The following RAB40A variants were observed in gnomAD, a reference collection of about 807,000 sequenced individuals.
RAB40A encodes the protein RAB40A, member RAS oncogene family.
For missense variants in RAB40A, 145 were observed against 230.2 expected (o/e 0.63, Z 2.40); for synonymous variants, 65 against 99.9 (o/e 0.65, Z 2.08).
At chrX:103,513,097 G>A (rs185406220) in intron 2 of RAB40A, among the ~76,000 whole-genome samples, 11 of 111,852 alleles carry the variant, frequency 9.8e-5, no homozygotes, top group African/African-American at 2.9e-4. Context: ...ACAGACACCC[G>A]GGGGAAGGGC....
At chrX:103,503,197 T>C in intron 2 of RAB40A, 1 of 752,837 alleles carries the variant, frequency 1.3e-6, no homozygotes, top group Non-Finnish European at 1.6e-6. Flanking sequence ...AACAAGACTG[T>C]AAAAACATAT....
At chrX:103,518,643 A>G (rs1411148367) in intron 1 of RAB40A, among the ~76,000 whole-genome samples, 1 of 111,999 alleles carries the variant, frequency 8.9e-6, no homozygotes, top group Non-Finnish European at 1.9e-5. Context: ...ATTAAAACAC[A>G]TTATAATATA....
intron 2 of RAB40A, chrX:103,501,808 G>GA (rs1419372425): frequency 1.6e-5 from 2 of 121,983 alleles, no homozygotes; most frequent in Non-Finnish European, 3.8e-5. Flanking sequence ...GAAAAAAACC[G>GA]AAAAAGAATT....
intron 2 of RAB40A, among the ~76,000 whole-genome samples, chrX:103,513,838 G>A (rs2073303356): frequency 9.1e-6 from 1 of 110,043 alleles, no homozygotes; most frequent in Non-Finnish European, 1.9e-5. Context: ...CCTGTTAATA[G>A]CCACTGCACT....
In RAB40A at chrX:103,500,568, C is replaced by T; in HGVS notation, c.189G>A (p.Val63=). The change falls in exon 3 of 3, where the codon GTG becomes GTA. Residue 63 remains valine, a synonymous_variant. Coordinates refer to ENST00000304236, the MANE Select transcript of RAB40A (RefSeq NM_080879.3). The stretch of plus-strand genomic sequence containing the variant: ...CCGACGTATCCCAGAGCTTCAGCTT[C>T]ACCCGCTGGCCGTCCAGCAGGATGG... ...TTTILLDGQR[V]KLKLWDTSGQ... is the part of the protein sequence containing the mutation. The T allele has an allele frequency of 1.7e-6, 2 of 1,211,830 alleles. No individual in the cohort carries two copies. Among genetic ancestry groups the T allele is most frequent in the South Asian group, 1.8e-5 (1 of 56,916 alleles).
intron 2 of RAB40A, chrX:103,502,858 A>T (rs1316086389): frequency 2.2e-5 from 17 of 763,522 alleles, no homozygotes; most frequent in Non-Finnish European, 2.5e-5. Flanking sequence ...AGCAAATGAG[A>T]AAACCTGTTG....
chrX:103,503,292 G>T, intron 2 of RAB40A: 1 of 753,779 alleles, frequency 1.3e-6, no homozygotes, highest in Non-Finnish European at 1.6e-6. Flanking sequence ...GCAGGGTCTG[G>T]GCAACTGTGT....
At chrX:103,497,444 C>T (rs2073185309), downstream of RAB40A, 1 of 112,022 alleles carries the variant, frequency 8.9e-6, no homozygotes, top group African/African-American at 3.2e-5. Context: ...GCACTGAGCT[C>T]CTCACACAGG....
rs1457170112 is a variant in RAB40A at position 103,500,149 on chromosome X, C to T, written c.608G>A (p.Cys203Tyr). 1.8e-5 allele frequency: 22 copies of T among 1,210,753 alleles called. No homozygotes were observed. Among genetic ancestry groups the T allele is most frequent in the Middle Eastern group, 4.6e-4 (2 of 4,355 alleles). Reference protein sequence around the residue: ...QDLCCRTIVSCTPVHLVDKLP... With the variant: ...QDLCCRTIVSYTPVHLVDKLP... ...CTTGTCCACCAGATGCACAGGTGTGCAGGACACGATGGTGCGGCAGCAGAG... is the reference window on the plus strand; with the variant it reads ...CTTGTCCACCAGATGCACAGGTGTGTAGGACACGATGGTGCGGCAGCAGAG... The change falls in exon 3 of 3, where the codon TGC (cysteine) becomes TAC (tyrosine). Residue 203 changes from cysteine (C) to tyrosine (Y), a missense_variant. Transcript: ENST00000304236.
At chrX:103,503,009 C>T (rs2073236763) in intron 2 of RAB40A, 1 of 761,398 alleles carries the variant, frequency 1.3e-6, no homozygotes, top group Non-Finnish European at 1.6e-6. Context: ...CACAGACATC[C>T]ATATAAAGAA....
chrX:103,509,347 T>A (rs1295746200), intron 2 of RAB40A, among the ~76,000 whole-genome samples: 1 of 96,575 alleles, frequency 1.0e-5, no homozygotes, highest in African/African-American at 3.9e-5. Flanking sequence ...GTCTCTTCTT[T>A]CCCCTCCCCT....
At chrX:103,508,688 G>A (rs1235654253) in intron 2 of RAB40A, among the ~76,000 whole-genome samples, 2 of 112,152 alleles carry the variant, frequency 1.8e-5, no homozygotes, top group East Asian at 5.6e-4. Flanking sequence ...ACATTCTTTA[G>A]TGTTTCATAA....
intron 2 of RAB40A, among the ~76,000 whole-genome samples, chrX:103,507,243 G>T: frequency 9.0e-6 from 1 of 111,576 alleles, no homozygotes; most frequent in South Asian, 3.7e-4. Flanking sequence ...GCAGGTTTTT[G>T]TATTTTTTAA....
chrX:103,502,525 A>G (rs1326313812), intron 2 of RAB40A: 2 of 143,986 alleles, frequency 1.4e-5, no homozygotes, highest in African/African-American at 6.4e-5. Context: ...CACTTAAGGG[A>G]TCAGCCAACT....
At chrX:103,503,292 G>A (rs1293547138) in intron 2 of RAB40A, 1 of 751,370 alleles carries the variant, frequency 1.3e-6, no homozygotes, top group African/African-American at 2.3e-5. Flanking sequence ...GCAGGGTCTG[G>A]GCAACTGTGT....
At chrX:103,495,839 T>G (rs1229973543), downstream of RAB40A, among the ~76,000 whole-genome samples, 1 of 112,141 alleles carries the variant, frequency 8.9e-6, no homozygotes, top group Non-Finnish European at 1.9e-5. Context: ...AGGGGTGGAA[T>G]TGCTGTGTCA....
chrX:103,496,619 A>G (rs1304091852), downstream of RAB40A, among the ~76,000 whole-genome samples: 6 of 112,858 alleles, frequency 5.3e-5, 1 homozygote, highest in Non-Finnish European at 7.5e-5. Flanking sequence ...AACAATAAAC[A>G]GAATTTATTG....
At position 103,500,521 on chromosome X, in the gene RAB40A, A is replaced by G. The variant is rs1429209528; in HGVS notation, c.236T>C (p.Ile79Thr). Residue 79 changes from isoleucine to threonine, a missense_variant, in exon 3 of 3, where the codon ATA becomes ACA. Physicochemically the swap from Ile to Thr is moderately conservative, Grantham distance 89 (BLOSUM62 -1). Coordinates refer to ENST00000304236, the MANE Select transcript of RAB40A (RefSeq NM_080879.3). ...DTSGQGRFCT[I>T]FRSYSRGAQG... The stretch of plus-strand genomic sequence containing the variant: ...TGCACCACGAGAGTAGGAGCGGAAT[A>G]TGGTACAAAATCTTCCCTGCCCCGA... 1 of 1,208,423 alleles carries G rather than the reference A, an allele frequency of 8.3e-7. No individual in the cohort carries two copies. Among genetic ancestry groups the G allele is most frequent in the Admixed American group, 2.2e-5 (1 of 45,674 alleles).
intron 2 of RAB40A, chrX:103,502,628 A>T (rs2073234623): frequency 6.5e-6 from 4 of 611,508 alleles, no homozygotes; most frequent in Non-Finnish European, 8.0e-6. Context: ...TGGGGGACCC[A>T]TGGGGCCACA....
Sources: gnomAD v4.1 joint callset for allele counts (sites outside exome capture counted in the v4.1 genomes callset) on GRCh38, gnomAD v4.1.1 for gene constraint, MANE v1.5 for transcripts, NCBI Gene and HGNC (gene_info 2026-07-23, HGNC 2026-07-21) for gene names.